The following SLIT3 variants were observed in gnomAD, a reference collection of about 807,000 sequenced individuals.
SLIT3 encodes slit guidance ligand 3, also known as slit homolog 3 protein.
SLIT3 carries 68 observed loss-of-function variants against 184.0 expected under a neutral mutation model. That is an observed-to-expected ratio of 0.37 (90% CI 0.30 to 0.45). The LOEUF (loss-of-function observed/expected upper bound fraction) is 0.45. SLIT3 is among the 20% of genes least tolerant of loss of function. The pLI is 1.00. For synonymous variants in SLIT3, 831 were observed against 828.6 expected (o/e 1.00, Z -0.05); for missense variants, 1,707 against 2,026.0 (o/e 0.84, Z 3.02).
chr5:169,007,312 A>G (rs1208958866), intron 4 of SLIT3, among the ~76,000 whole-genome samples: 2 of 152,192 alleles, frequency 1.3e-5, no homozygotes, highest in East Asian at 3.8e-4. Context: ...AGACTAATAC[A>G]ACCTGTATAC....
At chr5:169,296,272 C>T (rs1346303859) in intron 1 of SLIT3, among the ~76,000 whole-genome samples, 1 of 152,204 alleles carries the variant, frequency 6.6e-6, no homozygotes, top group East Asian at 1.9e-4. Flanking sequence ...GTGCCAGGCA[C>T]TGTTCTAGAC....
At chr5:168,788,601 T>G (rs1469042355) in intron 11 of SLIT3, among the ~76,000 whole-genome samples, 1 of 152,156 alleles carries the variant, frequency 6.6e-6, no homozygotes, top group Non-Finnish European at 1.5e-5. Flanking sequence ...ACAAGATTTT[T>G]TTTTGACATA....
At chr5:169,242,015 T>C (rs925555279) in intron 3 of SLIT3, among the ~76,000 whole-genome samples, 1 of 152,140 alleles carries the variant, frequency 6.6e-6, no homozygotes, top group African/African-American at 2.4e-5. Flanking sequence ...TCAATAAAGA[T>C]TTATCTATTA....
At chr5:169,218,240 A>T (rs991871167) in intron 3 of SLIT3, among the ~76,000 whole-genome samples, 8 of 152,198 alleles carry the variant, frequency 5.3e-5, no homozygotes, top group African/African-American at 1.9e-4. Context: ...TCATTATCTC[A>T]GGAAAGCCAC....
chr5:168,671,219 C>T lies in SLIT3; in HGVS notation c.4106G>A (p.Arg1369Gln), dbSNP rs544767441. 4.0e-5 allele frequency: 64 copies of T among 1,609,972 alleles called. No homozygotes were observed. The Middle Eastern group carries it at 1.5e-3, about 39-fold the overall frequency. ...WTGPLCDQEA[R>Q]DPCLGHRCHH... ...TGACCTGTGGCCGAGGCAGGGGTCC[C>T]GGGCCTCCTGATCGCAGAGTGGGCC... Residue 1369 changes from arginine (R) to glutamine (Q), a missense_variant, in exon 34 of 36, where the codon CGG becomes CAG. Around this residue, in one of 3 missense-constraint regions of SLIT3, gnomAD observed 387 missense variants for 477.9 expected, o/e 0.81. Transcript: ENST00000519560.
chr5:168,710,090 A>T (rs1374279557), intron 25 of SLIT3: 2 of 152,236 alleles, frequency 1.3e-5, no homozygotes, highest in Non-Finnish European at 2.9e-5. Flanking sequence ...AAGACAAAAA[A>T]ATGGAAATAC....
intron 4 of SLIT3, among the ~76,000 whole-genome samples, chr5:169,157,292 G>A (rs1051999667): frequency 1.3e-5 from 2 of 152,170 alleles, no homozygotes; most frequent in Admixed American, 6.5e-5. Context: ...GAGTTCTATG[G>A]AATGTCAGTA....
intron 4 of SLIT3, among the ~76,000 whole-genome samples, chr5:169,173,578 C>T (rs1452381885): frequency 6.6e-6 from 1 of 152,132 alleles, no homozygotes; most frequent in African/African-American, 2.4e-5. Flanking sequence ...CTTAGGAATG[C>T]AAATGTTCTA....
intron 4 of SLIT3, chr5:169,120,077 A>T (rs1347168030): frequency 6.6e-6 from 1 of 152,234 alleles, no homozygotes; most frequent in Non-Finnish European, 1.5e-5. Context: ...AACAGAACCA[A>T]GAAGGATATC....
Position 168,753,057 on chromosome 5 carries a change from G to A in SLIT3, c.1871C>T (p.Thr624Ile), listed in dbSNP as rs766808276. The stretch of plus-strand genomic sequence containing the variant: ...TCTCACCGAACTCAGGCCGGCAAAG[G>A]TGTCATTACTCACACAGCCGATCAA... ...SNLIGCVSND[T>I]FAGLSSVRLL... The change falls in exon 18 of 36, where the codon ACC (threonine) becomes ATC (isoleucine). Residue 624 changes from threonine to isoleucine, a missense_variant. Transcript: ENST00000519560. 1 of 1,614,084 alleles carries A rather than the reference G, an allele frequency of 6.2e-7. No individual in the cohort carries two copies. Among genetic ancestry groups the A allele is most frequent in the Non-Finnish European group, 8.5e-7 (1 of 1,179,988 alleles).
intron 29 of SLIT3, among the ~76,000 whole-genome samples, chr5:168,690,829 G>A (rs1449637247): frequency 6.6e-6 from 1 of 152,116 alleles, no homozygotes; most frequent in Non-Finnish European, 1.5e-5. Context: ...CATTTCCCCT[G>A]GTGATGAGAT....
At chr5:168,853,031 A>G (rs1052998635) in intron 5 of SLIT3, among the ~76,000 whole-genome samples, 3 of 152,234 alleles carry the variant, frequency 2.0e-5, no homozygotes, top group African/African-American at 4.8e-5. Flanking sequence ...ATGAAATTCT[A>G]AAAACATTCT....
In SLIT3 at chr5:169,130,889, A is replaced by G. The variant is rs752388157; in HGVS notation, c.413+62590T>C. Among the ~76,000 whole-genome samples the G allele has an allele frequency of 4.2e-4, 64 of 152,344 alleles. 1 individual carries two copies. The highest frequency in any genetic ancestry group is 8.3e-4 in the South Asian group (4 of 4,828). ...AATGCATGCTACAGAATGATAGAGT[A>G]TACTATTTATGTATAATGTTTGAAA... On this transcript the variant is annotated intron_variant, in intron 4 of 35. Transcript: ENST00000519560.
At chr5:169,129,563 G>T (rs969489513) in intron 4 of SLIT3, among the ~76,000 whole-genome samples, 3 of 151,890 alleles carry the variant, frequency 2.0e-5, no homozygotes, top group African/African-American at 4.8e-5. Context: ...CCAAAAAAAA[G>T]TTCTCTAAAT....
intron 4 of SLIT3, among the ~76,000 whole-genome samples, chr5:169,082,454 C>T (rs1052476284): frequency 2.0e-5 from 3 of 152,186 alleles, no homozygotes; most frequent in Admixed American, 2.0e-4. Flanking sequence ...AAATAACACA[C>T]AAAGCCACCT....
Position 168,867,397 on chromosome 5 carries a change from G to A in SLIT3, c.485+15868C>T, listed in dbSNP as rs190649597. The stretch of plus-strand genomic sequence containing the variant: ...GACAGAGAGGCACATAGATGTGCAT[G>A]TATTGAGGAAACAATCTGTCTAAAT... On this transcript the variant is annotated intron_variant, in intron 5 of 35. Transcript: ENST00000519560. Among the ~76,000 whole-genome samples, 599 of 152,348 alleles carry A rather than the reference G, an allele frequency of 3.9e-3. 3 individuals are homozygous for A. Among genetic ancestry groups the A allele is most frequent in the Non-Finnish European group, 6.9e-3 (470 of 68,038 alleles).
At chr5:169,283,669 A>T (rs1207798297) in intron 1 of SLIT3, among the ~76,000 whole-genome samples, 1 of 152,248 alleles carries the variant, frequency 6.6e-6, no homozygotes, top group African/African-American at 2.4e-5. Flanking sequence ...TGACAATTTC[A>T]CAGCCACATG....
At chr5:169,059,288 G>T (rs882015) in intron 4 of SLIT3, among the ~76,000 whole-genome samples, 9,169 of 152,050 alleles carry the variant, frequency 0.06, 359 homozygotes, top group East Asian at 0.21. Flanking sequence ...AGCAAAGTGG[G>T]GCAGAGACAG....
chr5:168,860,424 G>T (rs945482712), intron 5 of SLIT3, among the ~76,000 whole-genome samples: 1 of 152,162 alleles, frequency 6.6e-6, no homozygotes, highest in Non-Finnish European at 1.5e-5. Context: ...GGTGAGGAAT[G>T]GTGGCCTAAT....
Sources: gnomAD v4.1 joint callset for allele counts (sites outside exome capture counted in the v4.1 genomes callset) on GRCh38, gnomAD v4.1.1 for gene constraint, gnomAD v4.1.1 regional missense constraint, MANE v1.5 for transcripts, NCBI Gene and HGNC (gene_info 2026-07-23, HGNC 2026-07-21) for gene names.